The following PRELID2 variants were observed in gnomAD, a reference collection of about 807,000 sequenced individuals.
PRELID2 encodes PRELI domain-containing protein 2.
A neutral mutation model predicts 28.4 loss-of-function variants in PRELID2; 25 were observed. The observed-to-expected ratio is 0.88, with a 90% CI of 0.64 to 1.23. PRELID2 has a LOEUF of 1.23. PRELID2 is among the 50% of genes most tolerant of loss of function. PRELID2 has a pLI of 0.00. For missense variants in PRELID2, 201 were observed against 214.4 expected (o/e 0.94, Z 0.39); for synonymous variants, 76 against 71.6 (o/e 1.06, Z -0.31).
At chr5:145,729,711 G>A (rs746442805) in intron 1 of PRELID2, among the ~76,000 whole-genome samples, 12 of 152,090 alleles carry the variant, frequency 7.9e-5, no homozygotes, top group Non-Finnish European at 1.5e-4. Context: ...TTCCTTCACC[G>A]GGGTCTTTCT....
intron 1 of PRELID2, among the ~76,000 whole-genome samples, chr5:145,556,780 T>C (rs1442995364): frequency 6.6e-6 from 1 of 152,188 alleles, no homozygotes; most frequent in Non-Finnish European, 1.5e-5. Context: ...TCCCAGGAGA[T>C]AATACTTCCC....
chr5:145,576,094 T>C (rs1482781731), intron 1 of PRELID2, among the ~76,000 whole-genome samples: 1 of 152,198 alleles, frequency 6.6e-6, no homozygotes, highest in African/African-American at 2.4e-5. Context: ...CATGGGCCTT[T>C]TTGTAACTAT....
At chr5:145,596,619 G>A (rs1753310767) in intron 1 of PRELID2, among the ~76,000 whole-genome samples, 1 of 151,858 alleles carries the variant, frequency 6.6e-6, no homozygotes, top group Non-Finnish European at 1.5e-5. Flanking sequence ...TATTTAGAAG[G>A]ATCAAAAAAT....
chr5:145,552,953 G>T (rs1752849864), intron 1 of PRELID2, among the ~76,000 whole-genome samples: 1 of 152,112 alleles, frequency 6.6e-6, no homozygotes, highest in Non-Finnish European at 1.5e-5. Flanking sequence ...TAGAAGAAAT[G>T]TTTGGATTAG....
At chr5:145,616,746 C>A (rs1179128008) in intron 1 of PRELID2, among the ~76,000 whole-genome samples, 1 of 152,138 alleles carries the variant, frequency 6.6e-6, no homozygotes, top group African/African-American at 2.4e-5. Context: ...ATTAAAATTA[C>A]AATGAAGTTT....
chr5:145,472,873 TG>T (rs1445648612), intron 2 of PRELID2, among the ~76,000 whole-genome samples: 1 of 152,198 alleles, frequency 6.6e-6, no homozygotes, highest in African/African-American at 2.4e-5. Context: ...CACAATTCTG[TG>T]GGCCACAACC....
intron 3 of PRELID2, among the ~76,000 whole-genome samples, chr5:145,818,993 T>C (rs747720146): frequency 4.6e-5 from 7 of 152,098 alleles, no homozygotes; most frequent in African/African-American, 7.2e-5. Flanking sequence ...CCCATGATAG[T>C]GAATAAGTCT....
At chr5:145,415,455 A>AGAGTG in the PRELID2 span, among the ~76,000 whole-genome samples, 1 of 70,322 alleles carries the variant, frequency 1.4e-5, no homozygotes, top group South Asian at 5.1e-4. Context: ...AACAGTCCCC[A>AGAGTG]GAGTGTGATG....
At chr5:145,368,878 C>T in the PRELID2 span, among the ~76,000 whole-genome samples, 6 of 151,258 alleles carry the variant, frequency 4.0e-5, no homozygotes, top group East Asian at 7.9e-4. Context: ...GCTAGTGTTA[C>T]GGAGGGGTTG....
intron 1 of PRELID2, among the ~76,000 whole-genome samples, chr5:145,508,852 C>T (rs1009957786): frequency 2.6e-5 from 4 of 152,176 alleles, no homozygotes; most frequent in Non-Finnish European, 5.9e-5. Context: ...CTGGCATAAC[C>T]AGCAAGCAAC....
intron 1 of PRELID2, among the ~76,000 whole-genome samples, chr5:145,737,089 GAGAA>G (rs1380665314): frequency 6.6e-6 from 1 of 152,044 alleles, no homozygotes; most frequent in Admixed American, 6.6e-5. Flanking sequence ...GAAAAGAGGA[GAGAA>G]AGAGAGACCG....
chr5:145,503,631 T>G (rs1210271027), intron 1 of PRELID2, among the ~76,000 whole-genome samples: 1 of 152,198 alleles, frequency 6.6e-6, no homozygotes, highest in East Asian at 1.9e-4. Flanking sequence ...TGGGCTACTG[T>G]GTGACCCCAG....
At chr5:145,747,804 T>C (rs1432940757) in intron 1 of PRELID2, among the ~76,000 whole-genome samples, 1 of 152,168 alleles carries the variant, frequency 6.6e-6, no homozygotes, top group Non-Finnish European at 1.5e-5. Flanking sequence ...AAAAAACTTA[T>C]CCGCCATGAT....
intron 1 of PRELID2, among the ~76,000 whole-genome samples, chr5:145,705,048 C>T (rs550601492): frequency 5.9e-5 from 9 of 152,204 alleles, no homozygotes; most frequent in Non-Finnish European, 7.4e-5. Context: ...AGGTGGTTTC[C>T]GTTACTTGCA....
At chr5:145,233,996 T>A in the PRELID2 span, among the ~76,000 whole-genome samples, 1 of 152,166 alleles carries the variant, frequency 6.6e-6, no homozygotes, top group Admixed American at 6.6e-5. Context: ...TATGCTACTT[T>A]TCTACAAAGC....
the PRELID2 span, among the ~76,000 whole-genome samples, chr5:145,461,405 C>T: frequency 5.3e-5 from 8 of 152,194 alleles, no homozygotes; most frequent in Non-Finnish European, 8.8e-5. Context: ...CGGGTTCACG[C>T]CATTCTCCTG....
chr5:145,515,820 G>C (rs912171013), intron 1 of PRELID2, among the ~76,000 whole-genome samples: 1 of 152,138 alleles, frequency 6.6e-6, no homozygotes, highest in Admixed American at 6.5e-5. Context: ...TCCCTGGGAC[G>C]CAAGCCTGGT....
intron 1 of PRELID2, among the ~76,000 whole-genome samples, chr5:145,742,920 G>T (rs1338249596): frequency 6.6e-6 from 1 of 152,140 alleles, no homozygotes; most frequent in African/African-American, 2.4e-5. Context: ...TAAAAACCAG[G>T]CAGGATAATA....
chr5:145,348,727 G>A, the PRELID2 span, among the ~76,000 whole-genome samples: 1 of 151,592 alleles, frequency 6.6e-6, no homozygotes, highest in African/African-American at 2.4e-5. Context: ...GACATTTAGA[G>A]AGTTCTAATT....
Sources: gnomAD v4.1 joint callset for allele counts (sites outside exome capture counted in the v4.1 genomes callset) on GRCh38, gnomAD v4.1.1 for gene constraint, MANE v1.5 for transcripts, NCBI Gene and HGNC (gene_info 2026-07-23, HGNC 2026-07-21) for gene names.